ABCA8: variants seen among roughly 807,000 people sequenced by gnomAD.
ABCA8 encodes the protein ATP binding cassette subfamily A member 8.
Under a neutral mutation model 192.3 loss-of-function variants are expected in ABCA8, and 177 were observed. That is an observed-to-expected ratio of 0.92 (90% CI 0.81 to 1.04). The LOEUF (loss-of-function observed/expected upper bound fraction) is 1.04, where lower values mean the gene tolerates loss of function less well. Among genes scored for constraint, ABCA8 ranks in the 50% least tolerant of loss-of-function variants. The pLI is 0.00. For synonymous variants in ABCA8, 642 were observed against 690.2 expected, an observed-to-expected ratio of 0.93 and a Z score of 1.09; for missense variants, 1,915 against 1,904.8, an observed-to-expected ratio of 1.01 and a Z score of -0.10.
intron 11 of ABCA8, among the ~76,000 whole-genome samples, chr17:68,923,357 G>A (rs2067600512): frequency 6.6e-6 from 1 of 151,892 alleles, no homozygotes; most frequent in South Asian, 2.1e-4. Flanking sequence ...GTAGCACCAT[G>A]CTTGGCTAAT....
intron 17 of ABCA8, among the ~76,000 whole-genome samples, chr17:68,914,911 C>G (rs540615514): frequency 6.6e-6 from 1 of 151,930 alleles, no homozygotes; most frequent in South Asian, 2.1e-4. Flanking sequence ...TTGTAATAAC[C>G]AAAACAGCAT....
At chr17:68,879,730 T>C (rs1364648190) in intron 32 of ABCA8, 1 of 152,344 alleles carries the variant, frequency 6.6e-6, no homozygotes, top group Admixed American at 6.5e-5. Context: ...TGGAGCAAAG[T>C]TGTGGCCAAG....
intron 14 of ABCA8, 97 bp downstream of exon 14, chr17:68,919,204 A>G (rs1220033306): frequency 3.4e-6 from 4 of 1,177,728 alleles, no homozygotes; most frequent in Non-Finnish European, 4.7e-6. Flanking sequence ...CAATTGTACA[A>G]TGATTTGCGC....
At position 68,946,345 on chromosome 17, in the gene ABCA8, C is replaced by T. The variant is rs974184509; in HGVS notation, c.-6+2967G>A. Among the ~76,000 whole-genome samples, 6 of 152,216 alleles carry T rather than the reference C, an allele frequency of 3.9e-5. No individual in the cohort carries two copies. The East Asian group carries it at 7.7e-4, about 20-fold the overall frequency. On this transcript the variant is annotated intron_variant, in intron 2 of 39. Transcript: ENST00000586539. Reference sequence around the variant, plus strand: ...CCTCCCAAAGTGCTGGGATTACAGGCGTGAGCCCCCGCACCCAGCCGCTTT... The same window carrying T: ...CCTCCCAAAGTGCTGGGATTACAGGTGTGAGCCCCCGCACCCAGCCGCTTT...
intron 3 of ABCA8, among the ~76,000 whole-genome samples, chr17:68,941,197 A>T (rs574699494): frequency 6.6e-6 from 1 of 152,168 alleles, no homozygotes; most frequent in Non-Finnish European, 1.5e-5. Flanking sequence ...CAAACTCAAC[A>T]GTATACCAGT....
intron 18 of ABCA8, among the ~76,000 whole-genome samples, chr17:68,906,475 T>G (rs1241642429): frequency 2.0e-5 from 3 of 152,098 alleles, no homozygotes; most frequent in Admixed American, 6.6e-5. Flanking sequence ...AGACTCTGGG[T>G]TTTTCAACTC....
At chr17:68,942,421 G>A (rs1204674508) in intron 2 of ABCA8, among the ~76,000 whole-genome samples, 4 of 152,296 alleles carry the variant, frequency 2.6e-5, no homozygotes, top group African/African-American at 9.6e-5. Context: ...ATGCCATCCA[G>A]GTATCAGAAT....
At chr17:68,900,611 A>G (rs185021535) in intron 21 of ABCA8, among the ~76,000 whole-genome samples, 4 of 151,966 alleles carry the variant, frequency 2.6e-5, no homozygotes, top group Admixed American at 6.6e-5. Context: ...TATTACCCTG[A>G]TATCTAAAGA....
intron 17 of ABCA8, among the ~76,000 whole-genome samples, chr17:68,915,196 T>C (rs575423138): frequency 7.9e-5 from 12 of 152,180 alleles, no homozygotes; most frequent in African/African-American, 2.4e-4. Context: ...AAGAAAACAT[T>C]GGGGAAACTT....
In ABCA8 at chr17:68,949,423, A is replaced by C. The variant is rs1448488077; in HGVS notation, c.-117T>G. On this transcript the variant is annotated 5_prime_UTR_variant, in exon 2 of 40. Coordinates refer to ENST00000586539, the MANE Select transcript of ABCA8 (RefSeq NM_001288985.2). ...AATTCCAAACAGTCGAAAAAGAGGG[A>C]CTCCTCTCTAACTCACATTATGAGG... is the stretch of plus-strand genomic sequence containing the variant. 1 of 152,062 alleles carries C rather than the reference A, an allele frequency of 6.6e-6. No homozygotes were observed. Among genetic ancestry groups the C allele is most frequent in the Non-Finnish European group, 1.5e-5 (1 of 68,024 alleles). 9.4% of individuals were successfully genotyped at this position (152,062 alleles called of 1,614,324 possible).
rs2067226527 is a variant in ABCA8, at chr17:68,911,500, A to G, written c.2139-3621T>C. Among the ~76,000 whole-genome samples the G allele has an allele frequency of 6.6e-6, 1 of 152,078 alleles. No individual in the cohort carries two copies. Among genetic ancestry groups the G allele is most frequent in the Admixed American group, 6.5e-5 (1 of 15,284 alleles). The stretch of plus-strand genomic sequence containing the variant: ...GGCATTTCTGGACCCACCCTGGGCC[A>G]GTGGGAAGCTTGCCACCATAAAGGG... On this transcript the variant is annotated intron_variant, in intron 17 of 39. Coordinates refer to ENST00000586539, the MANE Select transcript of ABCA8 (RefSeq NM_001288985.2). The surrounding 1 kb of genome is among the most constrained non-coding windows in gnomAD (Gnocchi z 5.7).
chr17:68,908,704 AACAG>A (rs1225553956), intron 17 of ABCA8, among the ~76,000 whole-genome samples: 5 of 152,348 alleles, frequency 3.3e-5, no homozygotes, highest in African/African-American at 4.8e-5. Context: ...ATTATAGAGA[AACAG>A]ACAAACACAA....
intron 17 of ABCA8, among the ~76,000 whole-genome samples, chr17:68,908,298 C>T (rs993628341): frequency 2.0e-5 from 3 of 152,156 alleles, no homozygotes; most frequent in South Asian, 2.1e-4. Context: ...TGTTGTATCG[C>T]TTCAAAGGAA....
chr17:68,936,003 A>C (rs987333772), intron 5 of ABCA8, among the ~76,000 whole-genome samples: 2 of 152,134 alleles, frequency 1.3e-5, no homozygotes, highest in Non-Finnish European at 2.9e-5. Flanking sequence ...AAAAAAGAAG[A>C]ATTCAAACAA....
intron 2 of ABCA8, among the ~76,000 whole-genome samples, chr17:68,947,959 T>C (rs930968498): frequency 6.6e-6 from 1 of 152,182 alleles, no homozygotes; most frequent in African/African-American, 2.4e-5. Flanking sequence ...TGTGTTCTCA[T>C]TGTTCAACTC....
chr17:68,944,294 A>T (rs2068318097), intron 2 of ABCA8, among the ~76,000 whole-genome samples: 1 of 137,558 alleles, frequency 7.3e-6, no homozygotes, highest in Admixed American at 7.5e-5. Flanking sequence ...CATGTTCAGC[A>T]CATGTAGCCC....
At position 68,933,219 on chromosome 17, in the gene ABCA8, C is replaced by T. The variant is rs1412600751; in HGVS notation, c.519G>A (p.Trp173Ter). The stretch of plus-strand genomic sequence containing the variant: ...CTTGAAGAGCCACAAAACCTTCCTT[C>T]CAAAATACTGAAACTTCACAGTAAA... The part of the protein sequence containing the change: ...EDVYCEVSVF[W>*]KEGFVALQAA... The change falls in exon 6 of 40, where the codon TGG becomes TGA. Residue 173 changes from tryptophan (W) to a stop codon, truncating the protein, a stop_gained. Coordinates refer to ENST00000586539, the MANE Select transcript of ABCA8 (RefSeq NM_001288985.2). LOFTEE classifies it high-confidence loss of function. The T allele has an allele frequency of 1.9e-6, 3 of 1,613,176 alleles. No homozygotes were observed. Among genetic ancestry groups the T allele is most frequent in the African/African-American group, 2.7e-5 (2 of 74,864 alleles).
At chr17:68,901,702 G>A (rs1376869207) in intron 21 of ABCA8, among the ~76,000 whole-genome samples, 1 of 151,842 alleles carries the variant, frequency 6.6e-6, no homozygotes, top group African/African-American at 2.4e-5. Flanking sequence ...CAGCTACTTG[G>A]TAGGCTGACG....
At chr17:68,883,982 A>G in intron 28 of ABCA8, 100 bp from the exon 29 acceptor site, 1 of 776,866 alleles carries the variant, frequency 1.3e-6, no homozygotes, top group Non-Finnish European at 2.1e-6. Context: ...AAATACATTC[A>G]GTGAAATAAT....
Sources: gnomAD v4.1 joint callset for allele counts (sites outside exome capture counted in the v4.1 genomes callset) on GRCh38, gnomAD v4.1.1 for gene constraint, Gnocchi (gnomAD v3.1) non-coding constraint, MANE v1.5 for transcripts, NCBI Gene and HGNC (gene_info 2026-07-23, HGNC 2026-07-21) for gene names.